Variants in DISC1 observed in about 807,000 individuals in gnomAD.
The protein encoded by DISC1 is DISC1 scaffold protein.
Under a neutral mutation model 84.5 loss-of-function variants are expected in DISC1, and 57 were observed. The ratio of observed to expected loss-of-function variants is 0.67; its 90% CI spans 0.55 to 0.84. The LOEUF (loss-of-function observed/expected upper bound fraction) is 0.84. DISC1 is among the 40% of genes least tolerant of loss of function. The pLI, the probability that DISC1 is intolerant of heterozygous loss-of-function variation, is 0.00. For synonymous variants in DISC1, 411 were observed against 415.2 expected (o/e 0.99, Z 0.12); for missense variants, 1,000 against 1,057.8 (o/e 0.95, Z 0.76).
intron 9 of DISC1, among the ~76,000 whole-genome samples, chr1:231,873,972 T>C (rs4579740): frequency 0.5 from 75,361 of 151,106 alleles, 18,924 homozygotes; most frequent in African/African-American, 0.53. Flanking sequence ...CCTCGGCCTC[T>C]GAGTAGCTGG....
chr1:231,820,001 C>G (rs1377964901), intron 9 of DISC1, among the ~76,000 whole-genome samples: 1 of 152,132 alleles, frequency 6.6e-6, no homozygotes, highest in Non-Finnish European at 1.5e-5. Context: ...TAAGTATTTT[C>G]ACAATGATGA....
In DISC1 at chr1:231,767,202, C is replaced by T; in HGVS notation, c.1331C>T (p.Ala444Val). ...RMEPRLLEPT[A>V]QDSLHVSITR... Reference sequence around the variant, plus strand: ...GAGCCGAGGCTGTTGGAACCCACTGCTCAGGACAGCTTGCACGTGTCCATC... The same window carrying T: ...GAGCCGAGGCTGTTGGAACCCACTGTTCAGGACAGCTTGCACGTGTCCATC... The change falls in exon 5 of 13, where the codon GCT becomes GTT. Residue 444 changes from alanine (A) to valine (V), a missense_variant. Physicochemically the swap from Ala to Val is moderately conservative, Grantham distance 64 (BLOSUM62 0). Around this residue, in one of 3 missense-constraint regions of DISC1, gnomAD observed 311 missense variants for 400.1 expected, o/e 0.78. Transcript: ENST00000439617. 1 of 1,614,262 alleles carries T rather than the reference C, an allele frequency of 6.2e-7. No individual in the cohort carries two copies. Among genetic ancestry groups the T allele is most frequent in the East Asian group, 2.2e-5 (1 of 44,884 alleles).
chr1:231,866,209 G>A (rs1284923385), intron 9 of DISC1, among the ~76,000 whole-genome samples: 1 of 152,020 alleles, frequency 6.6e-6, no homozygotes, highest in African/African-American at 2.4e-5. Context: ...GCTTCCTATG[G>A]GAGCTGTTCT....
intron 9 of DISC1, among the ~76,000 whole-genome samples, chr1:231,917,294 C>T (rs144605504): frequency 7.4e-4 from 112 of 152,276 alleles, no homozygotes; most frequent in African/African-American, 2.6e-3. Flanking sequence ...TCTCTTCTAT[C>T]GAGATGCAAT....
intron 9 of DISC1, among the ~76,000 whole-genome samples, chr1:231,862,530 GTA>G (rs1478824737): frequency 2.0e-5 from 3 of 152,156 alleles, no homozygotes; most frequent in Non-Finnish European, 2.9e-5. Flanking sequence ...TTAAAATGAA[GTA>G]TCTGGTGTAT....
intron 1 of DISC1, among the ~76,000 whole-genome samples, chr1:231,627,342 C>A (rs914218411): frequency 1.3e-5 from 2 of 152,352 alleles, no homozygotes; most frequent in African/African-American, 4.8e-5. Flanking sequence ...CAGCCTGCGC[C>A]CCCTCGGGAC....
At chr1:231,933,098 C>T (rs1024198902) in intron 9 of DISC1, among the ~76,000 whole-genome samples, 12 of 152,128 alleles carry the variant, frequency 7.9e-5, no homozygotes, top group African/African-American at 2.2e-4. Context: ...TAACCATTGT[C>T]GAGTACCCAT....
chr1:231,950,696 G>A (rs1184263100), intron 9 of DISC1, among the ~76,000 whole-genome samples: 1 of 152,208 alleles, frequency 6.6e-6, no homozygotes, highest in African/African-American at 2.4e-5. Flanking sequence ...CTGGGAAAGT[G>A]AGAATTACCA....
intron 4 of DISC1, among the ~76,000 whole-genome samples, chr1:231,764,530 T>C (rs1175018111): frequency 6.6e-6 from 1 of 152,232 alleles, no homozygotes; most frequent in East Asian, 1.9e-4. Flanking sequence ...CCATAAAACC[T>C]GCTTTAGAAA....
At chr1:231,641,226 G>A (rs577331343) in intron 1 of DISC1, among the ~76,000 whole-genome samples, 94 of 152,320 alleles carry the variant, frequency 6.2e-4, no homozygotes, top group African/African-American at 2.2e-3. Context: ...AAATGAAGCC[G>A]CGGACCCTCG....
At chr1:231,737,201 G>A (rs969649032) in intron 3 of DISC1, among the ~76,000 whole-genome samples, 1 of 152,102 alleles carries the variant, frequency 6.6e-6, no homozygotes, top group African/African-American at 2.4e-5. Context: ...AGTAAAACAT[G>A]TTTGTTTCAT....
chr1:231,693,961 C>G lies in DISC1; in HGVS notation c.203C>G (p.Pro68Arg), dbSNP rs1178677892. The change falls in exon 2 of 13, where the codon CCA becomes CGA. Residue 68 changes from proline (P) to arginine (R), a missense_variant. This residue lies in a region of DISC1 where 292 missense variants were observed against 280.2 expected (regional missense o/e 1.04). Transcript: ENST00000439617. ...SPAVGTLFRF[P>R]GGVSGEESHH... ...GCAGTGGGCACACTGTTCCGGTTCC[C>G]AGGAGGGGTGTCTGGCGAGGAGTCC... is the stretch of plus-strand genomic sequence containing the variant. 1.2e-6 allele frequency: 2 copies of G among 1,614,066 alleles called. No individual in the cohort carries two copies. Among genetic ancestry groups the G allele is most frequent in the East Asian group, 2.2e-5 (1 of 44,876 alleles).
chr1:232,036,609 G>T, intron 12 of DISC1, 83 bp from the exon 13 acceptor site: 1 of 1,333,030 alleles, frequency 7.5e-7, no homozygotes, highest in Middle Eastern at 2.0e-4. Context: ...TCTGCTTCCA[G>T]CAGGCTCACA....
intron 9 of DISC1, among the ~76,000 whole-genome samples, chr1:231,843,537 C>T (rs1262927292): frequency 2.0e-5 from 3 of 152,170 alleles, no homozygotes; most frequent in Non-Finnish European, 4.4e-5. Context: ...GGGCCATCCC[C>T]CTGCAGGGAG....
At chr1:231,664,756 T>C (rs2061869615) in intron 1 of DISC1, among the ~76,000 whole-genome samples, 1 of 152,136 alleles carries the variant, frequency 6.6e-6, no homozygotes. Context: ...AATAGGAGAC[T>C]AATACAGTTG....
At chr1:231,749,364 C>T (rs1416481278) in intron 3 of DISC1, among the ~76,000 whole-genome samples, 2 of 152,056 alleles carry the variant, frequency 1.3e-5, no homozygotes, top group Non-Finnish European at 2.9e-5. Context: ...ATATTTATAC[C>T]TTGTGCTAGT....
intron 9 of DISC1, among the ~76,000 whole-genome samples, chr1:231,889,215 C>T (rs2087018769): frequency 6.6e-6 from 1 of 152,178 alleles, no homozygotes; most frequent in Non-Finnish European, 1.5e-5. Flanking sequence ...TTTGCCTATT[C>T]CAGCCTCACT....
At chr1:231,727,113 A>G (rs1396690810) in intron 3 of DISC1, among the ~76,000 whole-genome samples, 1 of 152,114 alleles carries the variant, frequency 6.6e-6, no homozygotes, top group African/African-American at 2.4e-5. Flanking sequence ...TGTCTGCAAG[A>G]TGATAAAATG....
intron 11 of DISC1, among the ~76,000 whole-genome samples, chr1:232,016,713 G>T (rs1220703509): frequency 6.6e-6 from 1 of 152,158 alleles, no homozygotes; most frequent in Non-Finnish European, 1.5e-5. Flanking sequence ...TTTATTTAGA[G>T]CTTGTTTCTC....
Sources: allele counts gnomAD v4.1 joint callset (sites outside exome capture counted in the v4.1 genomes callset), GRCh38; gene constraint gnomAD v4.1.1; regional missense constraint gnomAD v4.1.1; transcripts MANE v1.5; gene names NCBI Gene and HGNC (gene_info 2026-07-23, HGNC 2026-07-21).